MAN1A1: variants seen among roughly 807,000 people sequenced by gnomAD.
MAN1A1 encodes mannosidase alpha class 1A member 1, also known as mannosyl-oligosaccharide 1,2-alpha-mannosidase IA.
Under a neutral mutation model 70.8 loss-of-function variants are expected in MAN1A1, and 29 were observed. The observed-to-expected ratio is 0.41, with a 90% CI of 0.31 to 0.56. The LOEUF (loss-of-function observed/expected upper bound fraction) is 0.56, where lower values mean the gene tolerates loss of function less well. Ranked by LOEUF, MAN1A1 falls within the 20% of genes least tolerant of loss-of-function variation. MAN1A1 has a pLI of 0.29. For missense variants in MAN1A1, 747 were observed against 841.3 expected, an observed-to-expected ratio of 0.89 and a Z score of 1.39; for synonymous variants, 349 against 330.1, an observed-to-expected ratio of 1.06 and a Z score of -0.62.
At chr6:119,250,749 C>A (rs1254441641) in intron 5 of MAN1A1, among the ~76,000 whole-genome samples, 5 of 152,004 alleles carry the variant, frequency 3.3e-5, no homozygotes, top group Non-Finnish European at 5.9e-5. Context: ...TTCTCAAGAG[C>A]TAAGGCTTCA....
At chr6:119,316,616 C>G (rs1001023390) in intron 2 of MAN1A1, among the ~76,000 whole-genome samples, 1 of 151,790 alleles carries the variant, frequency 6.6e-6, no homozygotes, top group Non-Finnish European at 1.5e-5. Context: ...AAAGGTAAGC[C>G]CAAACATTCT....
At chr6:119,210,028 A>T (rs1359022260) in intron 6 of MAN1A1, among the ~76,000 whole-genome samples, 1 of 152,176 alleles carries the variant, frequency 6.6e-6, no homozygotes, top group Non-Finnish European at 1.5e-5. Flanking sequence ...CCATCTCATC[A>T]CGGGTAGTTG....
chr6:119,209,697 C>T (rs746628072), intron 6 of MAN1A1, among the ~76,000 whole-genome samples: 34 of 152,152 alleles, frequency 2.2e-4, no homozygotes, highest in Non-Finnish European at 1.6e-4. Context: ...CACTTACAAA[C>T]GCGTCCTTCC....
At chr6:119,251,423 T>C (rs1057336510) in intron 5 of MAN1A1, among the ~76,000 whole-genome samples, 2 of 152,216 alleles carry the variant, frequency 1.3e-5, no homozygotes, top group Admixed American at 6.5e-5. Context: ...TTAGCAACTT[T>C]ATTTACACAT....
intron 6 of MAN1A1, 27 bp downstream of exon 6, chr6:119,248,233 C>T: frequency 7.0e-7 from 1 of 1,427,036 alleles, no homozygotes; most frequent in Non-Finnish European, 9.9e-7. Flanking sequence ...CACCTTAAAA[C>T]ATGTTGTTGA....
rs139465072 is a variant in MAN1A1 at position 119,262,240 on chromosome 6, A to C, written c.898-13886T>G. ...TTCATTTGCTATAAAATAGAGTAAA[A>C]GTGAGGTACTGTTACTCTGGCCCTA... On this transcript the variant is annotated intron_variant, in intron 5 of 12. Transcript: ENST00000368468. Among the ~76,000 whole-genome samples, 645 of 152,324 alleles carry C rather than the reference A, an allele frequency of 4.2e-3. 3 individuals carry two copies. The highest frequency in any genetic ancestry group is 7.9e-3 in the Non-Finnish European group (539 of 68,018).
At chr6:119,269,555 G>A in intron 5 of MAN1A1, 1 of 197,478 alleles carries the variant, frequency 5.1e-6, no homozygotes, top group Non-Finnish European at 1.1e-5. Flanking sequence ...AGGAAGGCCA[G>A]GTACTCCAAC....
chr6:119,322,252 G>C (rs1028780138), intron 2 of MAN1A1, among the ~76,000 whole-genome samples: 1 of 152,178 alleles, frequency 6.6e-6, no homozygotes, highest in African/African-American at 2.4e-5. Context: ...CTGTATGTCT[G>C]TGATGATCTT....
intron 4 of MAN1A1, among the ~76,000 whole-genome samples, chr6:119,299,368 AT>A (rs1772319988): frequency 6.6e-6 from 1 of 151,136 alleles, no homozygotes; most frequent in Non-Finnish European, 1.5e-5. Flanking sequence ...TGCAACAAAT[AT>A]TTTTCAAGAC....
chr6:119,179,953 G>C lies in MAN1A1; in HGVS notation c.1836-8C>G, dbSNP rs749733871. The stretch of plus-strand genomic sequence containing the variant: ...AATATTAGGTACAAATATCTGGTGA[G>C]AGAAACATAAGTATATGAGGCCCAA... On this transcript the variant is annotated splice_polypyrimidine_tract_variant and splice_region_variant and intron_variant, in intron 12 of 12. Transcript: ENST00000368468. 22 of 1,612,964 alleles carry C rather than the reference G, an allele frequency of 1.4e-5. No individual in the cohort carries two copies. The highest frequency in any genetic ancestry group is 1.7e-5 in the Non-Finnish European group (20 of 1,179,352).
intron 2 of MAN1A1, 40 bp from the exon 3 acceptor site, chr6:119,307,032 A>G (rs1170626736): frequency 7.2e-7 from 1 of 1,397,442 alleles, no homozygotes; most frequent in Non-Finnish European, 1.0e-6. Flanking sequence ...ATTTGAATGG[A>G]GATGTTTTTG....
At chr6:119,321,869 T>C (rs1773018863) in intron 2 of MAN1A1, among the ~76,000 whole-genome samples, 1 of 152,088 alleles carries the variant, frequency 6.6e-6, no homozygotes, top group Non-Finnish European at 1.5e-5. Flanking sequence ...TCCACCCACC[T>C]CAGCCTCCCA....
chr6:119,336,065 AT>A (rs1434239903), intron 2 of MAN1A1, among the ~76,000 whole-genome samples: 1 of 151,924 alleles, frequency 6.6e-6, no homozygotes, highest in Non-Finnish European at 1.5e-5. Context: ...GGCTTTCAAA[AT>A]TTTTTTATTA....
chr6:119,349,506 G>A lies in MAN1A1; in HGVS notation c.-223+36C>T, dbSNP rs143183986. ...GGTGTCCCGCGCAGGAAGGGGTCAGGGCAGCGCGCGAGCACCTCGGGGAGG... is the reference window on the plus strand; with the variant it reads ...GGTGTCCCGCGCAGGAAGGGGTCAGAGCAGCGCGCGAGCACCTCGGGGAGG... On this transcript the variant is annotated intron_variant, in intron 1 of 12. Transcript: ENST00000368468. 7.9e-4 allele frequency: 775 copies of A among 981,578 alleles called. 5 individuals carry two copies. The African/African-American group carries it at 0.013, about 16-fold the overall frequency. The allele number at this position is 981,578 out of a possible 1,614,324, so 60.8% of individuals were successfully genotyped here. A position where few individuals can be genotyped will look rare whatever the true frequency, so the allele number is the denominator to read the frequency against.
chr6:119,268,981 G>C (rs1414554106), intron 5 of MAN1A1, among the ~76,000 whole-genome samples: 2 of 152,168 alleles, frequency 1.3e-5, no homozygotes, highest in Non-Finnish European at 2.9e-5. Context: ...TAGAAAGGCA[G>C]TTGAATAATG....
intron 11 of MAN1A1, among the ~76,000 whole-genome samples, chr6:119,183,999 TAA>T (rs60835737): frequency 1.3e-5 from 2 of 149,304 alleles, no homozygotes; most frequent in Admixed American, 6.7e-5. Flanking sequence ...TTTGGTAAAT[TAA>T]AAAAAAAAAA....
At chr6:119,197,926 G>A (rs932195622) in intron 8 of MAN1A1, among the ~76,000 whole-genome samples, 1 of 152,096 alleles carries the variant, frequency 6.6e-6, no homozygotes, top group Non-Finnish European at 1.5e-5. Context: ...AGATGTTCCA[G>A]TACAACTGGC....
At chr6:119,307,014 G>A in intron 2 of MAN1A1, 22 bp from the exon 3 acceptor site, 7 of 1,468,208 alleles carry the variant, frequency 4.8e-6, no homozygotes, top group Non-Finnish European at 6.6e-6. Flanking sequence ...AATAAAAACA[G>A]GATTATAATT....
intron 5 of MAN1A1, among the ~76,000 whole-genome samples, chr6:119,260,356 A>G (rs1775573990): frequency 6.6e-6 from 1 of 152,180 alleles, no homozygotes; most frequent in South Asian, 2.1e-4. Flanking sequence ...GATACACCAG[A>G]ACTTATTTAG....
Sources: gnomAD v4.1 joint callset for allele counts (sites outside exome capture counted in the v4.1 genomes callset) on GRCh38, gnomAD v4.1.1 for gene constraint, MANE v1.5 for transcripts, NCBI Gene and HGNC (gene_info 2026-07-23, HGNC 2026-07-21) for gene names.